Variants in PLPPR1 observed in about 807,000 individuals in gnomAD.
The protein encoded by PLPPR1 is phospholipid phosphatase-related protein type 1.
In PLPPR1, 10 loss-of-function variants were observed where a neutral mutation model predicts 33.1. The ratio of observed to expected loss-of-function variants is 0.30; its 90% confidence interval spans 0.19 to 0.51. The LOEUF (loss-of-function observed/expected upper bound fraction) is 0.51, where lower values mean the gene tolerates loss of function less well. PLPPR1 is among the 20% of genes least tolerant of loss of function. The pLI is 0.97. For missense variants in PLPPR1, 304 were observed against 408.1 expected (o/e 0.74, Z 2.20); for synonymous variants, 151 against 151.0 (o/e 1.00, Z 0.00).
intron 1 of PLPPR1, among the ~76,000 whole-genome samples, chr9:101,161,950 T>G (rs529931014): frequency 6.6e-6 from 1 of 151,972 alleles, no homozygotes; most frequent in African/African-American, 2.4e-5. Flanking sequence ...TAGGTAAGCA[T>G]TGTATAGGAT....
intron 2 of PLPPR1, among the ~76,000 whole-genome samples, chr9:101,245,631 T>G (rs1453674129): frequency 1.3e-5 from 2 of 151,874 alleles, no homozygotes; most frequent in African/African-American, 2.4e-5. Flanking sequence ...GCTAAAAGAG[T>G]AAGAATCCAC....
chr9:101,273,495 C>T (rs1828135713), intron 3 of PLPPR1, among the ~76,000 whole-genome samples: 1 of 152,176 alleles, frequency 6.6e-6, no homozygotes, highest in Admixed American at 6.5e-5. Flanking sequence ...TCTGCTGGAC[C>T]ACTGCAAGGA....
At chr9:101,190,475 T>C (rs1382123540) in intron 2 of PLPPR1, among the ~76,000 whole-genome samples, 1 of 152,142 alleles carries the variant, frequency 6.6e-6, no homozygotes, top group Non-Finnish European at 1.5e-5. Context: ...AGGGTGGTAA[T>C]GAGACATATA....
intron 1 of PLPPR1, among the ~76,000 whole-genome samples, chr9:101,031,955 C>T (rs558420727): frequency 3.9e-5 from 6 of 152,132 alleles, no homozygotes; most frequent in African/African-American, 1.4e-4. Flanking sequence ...CATGGAAGCA[C>T]AAAGGGAGGG....
intron 6 of PLPPR1, among the ~76,000 whole-genome samples, chr9:101,315,797 C>T (rs1026900493): frequency 2.0e-5 from 3 of 152,074 alleles, no homozygotes; most frequent in African/African-American, 7.2e-5. Context: ...AAAGCAGAGA[C>T]TTGGAGAGGA....
chr9:101,150,060 TA>T (rs1360629965), intron 1 of PLPPR1, among the ~76,000 whole-genome samples: 1 of 152,128 alleles, frequency 6.6e-6, no homozygotes, highest in East Asian at 1.9e-4. Context: ...GTGTTTATTT[TA>T]TATATGTGCT....
chr9:101,275,517 C>T (rs111472659), intron 3 of PLPPR1, among the ~76,000 whole-genome samples: 4 of 152,242 alleles, frequency 2.6e-5, no homozygotes, highest in African/African-American at 7.2e-5. Flanking sequence ...ACTGTGTCCC[C>T]GTTTAGCCCA....
intron 2 of PLPPR1, among the ~76,000 whole-genome samples, chr9:101,200,138 A>C (rs1044230816): frequency 3.9e-5 from 6 of 152,188 alleles, no homozygotes; most frequent in Admixed American, 6.5e-5. Context: ...GGGCATTGGC[A>C]GGCTCAGGAG....
rs56364843 is a variant in PLPPR1, at chr9:101,135,841, C to T, written c.-45-49609C>T. The stretch of plus-strand genomic sequence containing the variant: ...TACATTTTTCAGTTTTCCCTTCCTG[C>T]CTCTGTCTGCCCAGCAGGCTCTCAA... On this transcript the variant is annotated intron_variant, in intron 1 of 7. Transcript: ENST00000374874. Among the ~76,000 whole-genome samples, 1,332 of 152,284 alleles carry T rather than the reference C, an allele frequency of 8.7e-3. 24 individuals carry two copies. Among genetic ancestry groups the T allele is most frequent in the African/African-American group, 0.03 (1,230 of 41,556 alleles).
intron 2 of PLPPR1, among the ~76,000 whole-genome samples, chr9:101,233,247 C>G (rs1827226825): frequency 6.6e-6 from 1 of 151,968 alleles, no homozygotes; most frequent in African/African-American, 2.4e-5. Flanking sequence ...ACATGCCAAA[C>G]TGGAGGTAGG....
chr9:101,075,465 A>C (rs1432933411), intron 1 of PLPPR1, among the ~76,000 whole-genome samples: 1 of 152,182 alleles, frequency 6.6e-6, no homozygotes, highest in Non-Finnish European at 1.5e-5. Context: ...TACAAATGAC[A>C]TGTGGAATAC....
At chr9:101,110,919 G>T (rs1189078746) in intron 1 of PLPPR1, among the ~76,000 whole-genome samples, 1 of 152,128 alleles carries the variant, frequency 6.6e-6, no homozygotes, top group African/African-American at 2.4e-5. Flanking sequence ...TGTGTGCAAA[G>T]CCATGGTCCC....
At position 101,271,834 on chromosome 9, in the gene PLPPR1, A is replaced by G. The variant is rs1266297472; in HGVS notation, c.252+1766A>G. ...TTCCCAGTCTCAGGAAATTTCATTT[A>G]TCGTTGCCTAGGTTCTCCTTTAGTT... On this transcript the variant is annotated intron_variant, in intron 3 of 7. Coordinates refer to ENST00000374874, the MANE Select transcript of PLPPR1 (RefSeq NM_207299.2). Among the ~76,000 whole-genome samples the G allele has an allele frequency of 5.9e-5, 9 of 152,170 alleles. No individual in the cohort carries two copies. In the East Asian group the frequency reaches 1.7e-3, roughly 29 times the overall value.
intron 1 of PLPPR1, among the ~76,000 whole-genome samples, chr9:101,108,071 C>G (rs2118567482): frequency 6.7e-6 from 1 of 148,374 alleles, no homozygotes; most frequent in South Asian, 2.1e-4. Context: ...TGAGATGAAC[C>G]CGGTACCTCA....
chr9:101,051,425 G>T (rs572896205), intron 1 of PLPPR1, among the ~76,000 whole-genome samples: 1 of 152,020 alleles, frequency 6.6e-6, no homozygotes, highest in Non-Finnish European at 1.5e-5. Flanking sequence ...CCAATAGTAA[G>T]CCCCAGACTT....
intron 3 of PLPPR1, 28 bp from the exon 4 acceptor site, chr9:101,286,076 T>G: frequency 2.5e-6 from 4 of 1,600,664 alleles, no homozygotes; most frequent in Non-Finnish European, 3.4e-6. Flanking sequence ...ATCTCCAACT[T>G]GACATTTCTT....
In PLPPR1 at chr9:101,290,854, T is replaced by C. The variant is rs535421875; in HGVS notation, c.385+4618T>C. On this transcript the variant is annotated intron_variant, in intron 4 of 7. Coordinates refer to ENST00000374874, the MANE Select transcript of PLPPR1 (RefSeq NM_207299.2). ...TCCAGTCTACAGCTCTCAGCGTGAG[T>C]GACGCAGAAGATGGGTGATTTCTGC... 6.1e-4 allele frequency among the ~76,000 whole-genome samples: 93 copies of C among 151,968 alleles called. 1 individual carries two copies. The highest frequency in any genetic ancestry group is 1.1e-3 in the Non-Finnish European group (77 of 68,000).
chr9:101,123,376 A>G (rs940680217), intron 1 of PLPPR1, among the ~76,000 whole-genome samples: 5 of 152,104 alleles, frequency 3.3e-5, no homozygotes, highest in Non-Finnish European at 7.4e-5. Flanking sequence ...CCATAAATGT[A>G]ATGTGTCCAG....
chr9:101,201,868 A>G (rs1381948376), intron 2 of PLPPR1, among the ~76,000 whole-genome samples: 1 of 152,186 alleles, frequency 6.6e-6, no homozygotes, highest in African/African-American at 2.4e-5. Context: ...CATGTGATTG[A>G]CTTTGGCATG....
Sources: allele counts gnomAD v4.1 joint callset (sites outside exome capture counted in the v4.1 genomes callset), GRCh38; gene constraint gnomAD v4.1.1; transcripts MANE v1.5; gene names NCBI Gene and HGNC (gene_info 2026-07-23, HGNC 2026-07-21).